The following UGT1A4 variants were observed in gnomAD, a reference collection of about 807,000 sequenced individuals.
UGT1A4 encodes the protein UDP-glucuronosyltransferase 1A4.
In UGT1A4, 32 loss-of-function variants were observed where a neutral mutation model predicts 41.1. The observed-to-expected ratio is 0.78, with a 90% CI of 0.59 to 1.05. UGT1A4 has a LOEUF of 1.05. Ranked by LOEUF, UGT1A4 falls within the 50% of genes least tolerant of loss-of-function variation. The probability of loss-of-function intolerance (pLI) is 0.00; values close to 1 mark genes in which losing one functional copy is unlikely to be tolerated. For missense variants in UGT1A4, 748 were observed against 677.4 expected (o/e 1.10, Z -1.16); for synonymous variants, 283 against 265.1 (o/e 1.07, Z -0.66).
chr2:233,738,035 A>T (rs1181803416), intron 1 of UGT1A4, among the ~76,000 whole-genome samples: 1 of 151,816 alleles, frequency 6.6e-6, no homozygotes, highest in African/African-American at 2.4e-5. Flanking sequence ...CATAATCCCC[A>T]CGTGTTGAGG....
rs766536479 is a variant in UGT1A4 at position 233,760,908 on chromosome 2, G to GCAGC, written c.868-6125_868-6122dup. ...CTCATTCAGATCACATGACCTTCCT[G>GCAGC]CAGCGGGTGAAGAACATGCTCATTG... is the stretch of plus-strand genomic sequence containing the variant. On this transcript the variant is annotated intron_variant, in intron 1 of 4. Coordinates refer to ENST00000373409, the MANE Select transcript of UGT1A4 (RefSeq NM_007120.3). 8 of 1,614,152 alleles carry GCAGC rather than the reference G, an allele frequency of 5.0e-6. No individual in the cohort carries two copies. The South Asian group carries it at 8.8e-5, about 18-fold the overall frequency.
intron 1 of UGT1A4, among the ~76,000 whole-genome samples, 184 bp downstream of exon 1, chr2:233,719,871 A>G (rs2076809902): frequency 6.6e-6 from 1 of 152,230 alleles, no homozygotes; most frequent in African/African-American, 2.4e-5. Context: ...TGAGAGGAAG[A>G]AGAGGCACGG....
At chr2:233,755,051 C>A in intron 1 of UGT1A4, 1 of 1,331,262 alleles carries the variant, frequency 7.5e-7, no homozygotes, top group East Asian at 4.6e-5. Flanking sequence ...AGCCGCCCTC[C>A]GCCCTCGCCT....
chr2:233,724,874 C>A (rs370433880), intron 1 of UGT1A4, among the ~76,000 whole-genome samples: 1 of 128,396 alleles, frequency 7.8e-6, no homozygotes, highest in Non-Finnish European at 1.6e-5. Flanking sequence ...TTGTAGTGAG[C>A]GGAGATCACG....
At position 233,760,569 on chromosome 2, in the gene UGT1A4, T is replaced by C. The variant is rs146052898; in HGVS notation, c.868-6465T>C. On this transcript the variant is annotated intron_variant, in intron 1 of 4. Transcript: ENST00000373409. ...AGGATGTGAAAGAGTCTTTTGTTAGTCTCGGGCATAATGTTTTTGAGAATG... is the reference window on the plus strand; with the variant it reads ...AGGATGTGAAAGAGTCTTTTGTTAGCCTCGGGCATAATGTTTTTGAGAATG... 389 of 1,614,128 alleles carry C rather than the reference T, an allele frequency of 2.4e-4. No homozygotes were observed. The highest frequency in any genetic ancestry group is 3.1e-4 in the Non-Finnish European group (360 of 1,180,054).
intron 1 of UGT1A4, among the ~76,000 whole-genome samples, chr2:233,749,940 G>A (rs145039541): frequency 4.6e-5 from 7 of 151,802 alleles, no homozygotes; most frequent in Non-Finnish European, 7.3e-5. Context: ...TTTCCTTTAT[G>A]AATTACCGAG....
At chr2:233,727,027 T>C (rs1038616426) in intron 1 of UGT1A4, among the ~76,000 whole-genome samples, 3 of 152,346 alleles carry the variant, frequency 2.0e-5, no homozygotes, top group African/African-American at 7.2e-5. Flanking sequence ...TTTTGTACCC[T>C]AAGGAATCTT....
chr2:233,726,185 T>C (rs2077513858), intron 1 of UGT1A4, among the ~76,000 whole-genome samples: 1 of 152,162 alleles, frequency 6.6e-6, no homozygotes, highest in South Asian at 2.1e-4. Flanking sequence ...AAAATTTCTT[T>C]GGCATATGGA....
Position 233,772,346 on chromosome 2 carries a change from GT to G in UGT1A4, c.1395del (p.Phe465LeufsTer2), listed in dbSNP as rs773231664. The G allele has an allele frequency of 6.2e-7, 1 of 1,614,250 alleles. No individual in the cohort carries two copies. Among genetic ancestry groups the G allele is most frequent in the South Asian group, 1.1e-5 (1 of 91,090 alleles). ...PLDLAVFWVE[F>X]VMRHKGAPHL... ...TGGACCTGGCCGTGTTCTGGGTGGA[GT>G]TTGTGATGAGGCACAAGGGCGCGCC... On this transcript the variant is annotated frameshift_variant, in exon 5 of 5. Transcript: ENST00000373409. LOFTEE classifies it high-confidence loss of function.
intron 1 of UGT1A4, chr2:233,755,833 G>C (rs1270609595): frequency 1.3e-5 from 2 of 152,294 alleles, no homozygotes; most frequent in Non-Finnish European, 2.9e-5. Flanking sequence ...CATATTCATT[G>C]GGCAATTTAA....
Position 233,769,467 on chromosome 2 carries a change from G to T in UGT1A4, c.1307+1028G>T. The T allele has an allele frequency of 6.2e-7, 1 of 1,602,902 alleles. No homozygotes were observed. On this transcript the variant is annotated intron_variant, in intron 4 of 4. Coordinates refer to ENST00000373409, the MANE Select transcript of UGT1A4 (RefSeq NM_007120.3). This position sits in a 1 kb window ranked among gnomAD's most constrained non-coding sequence, Gnocchi z 4.4. Reference sequence around the variant, plus strand: ...TGCACACGTGTGCATTCATATGCGTGTGTGTGTGTGTGCGTGTGTTTATGA... The same window carrying T: ...TGCACACGTGTGCATTCATATGCGTTTGTGTGTGTGTGCGTGTGTTTATGA...
chr2:233,768,235 G>T lies in UGT1A4; in HGVS notation c.1103G>T (p.Arg368Leu), dbSNP rs374047963. 32 of 1,614,018 alleles carry T rather than the reference G, an allele frequency of 2.0e-5. No homozygotes were observed. Among genetic ancestry groups the T allele is most frequent in the African/African-American group, 1.3e-5 (1 of 74,898 alleles). Residue 368 changes from arginine (R) to leucine (L), a missense_variant, in exon 4 of 5, where the codon CGT becomes CTT. Physicochemically the swap from Arg to Leu is moderately radical, Grantham distance 102. Transcript: ENST00000373409. ...QNDLLGHPMT[R>L]AFITHAGSHG... is the part of the protein sequence containing the mutation. ...TGCATCTCAGGTCACCCGATGACCC[G>T]TGCCTTTATCACCCATGCTGGTTCC...
Position 233,729,197 on chromosome 2 carries a change from C to T in UGT1A4, c.867+9510C>T, listed in dbSNP as rs569872278. The stretch of plus-strand genomic sequence containing the variant: ...CTGCTGCTTCTCCTCAGTGTCCAGC[C>T]CTGGGCTGAGAGTGGAAAGGTGTTG... On this transcript the variant is annotated intron_variant, in intron 1 of 4. Coordinates refer to ENST00000373409, the MANE Select transcript of UGT1A4 (RefSeq NM_007120.3). 4.3e-6 allele frequency: 7 copies of T among 1,614,002 alleles called. No homozygotes were observed. The African/African-American group carries it at 8.0e-5, about 18-fold the overall frequency.
At chr2:233,749,947 C>T (rs1454449200) in intron 1 of UGT1A4, among the ~76,000 whole-genome samples, 4 of 151,812 alleles carry the variant, frequency 2.6e-5, no homozygotes, top group East Asian at 1.9e-4. Context: ...TATGAATTAC[C>T]GAGTCTTGGG....
At chr2:233,738,536 G>A (rs919833416) in intron 1 of UGT1A4, among the ~76,000 whole-genome samples, 2 of 152,222 alleles carry the variant, frequency 1.3e-5, no homozygotes, top group Non-Finnish European at 2.9e-5. Context: ...TGAAGTCCAG[G>A]CTGAGTCTCA....
chr2:233,769,689 T>C lies in UGT1A4; in HGVS notation c.1307+1250T>C. On this transcript the variant is annotated intron_variant, in intron 4 of 4. Transcript: ENST00000373409. This position sits in a 1 kb window ranked among gnomAD's most constrained non-coding sequence, Gnocchi z 4.4. ...GGTGCTAATGTGTGTGTGGTGGCAC[T>C]GGATAAAAGATCAATGTTGGCTAGG... 6.5e-7 allele frequency: 1 copy of C among 1,550,140 alleles called. No homozygotes were observed. Among genetic ancestry groups the C allele is most frequent in the Non-Finnish European group, 8.7e-7 (1 of 1,147,494 alleles).
At chr2:233,729,800 A>G (rs778424052) in intron 1 of UGT1A4, 13 of 1,613,840 alleles carry the variant, frequency 8.1e-6, no homozygotes, top group South Asian at 1.1e-5. Context: ...TACATTTGCC[A>G]TGCTTTTTCT....
intron 1 of UGT1A4, chr2:233,747,259 G>C (rs1240117777): frequency 7.1e-5 from 114 of 1,600,384 alleles, no homozygotes; most frequent in Non-Finnish European, 9.2e-5. Flanking sequence ...GGCCACAGGA[G>C]TGCTACTCCT....
intron 1 of UGT1A4, among the ~76,000 whole-genome samples, chr2:233,764,955 T>G (rs891211439): frequency 6.6e-6 from 1 of 151,792 alleles, no homozygotes; most frequent in Non-Finnish European, 1.5e-5. Flanking sequence ...GAGAGAGGGC[T>G]CACCTTGGGA....
Sources: gnomAD v4.1 joint callset for allele counts (sites outside exome capture counted in the v4.1 genomes callset) on GRCh38, gnomAD v4.1.1 for gene constraint, Gnocchi (gnomAD v3.1) non-coding constraint, MANE v1.5 for transcripts, NCBI Gene and HGNC (gene_info 2026-07-23, HGNC 2026-07-21) for gene names.